The following DPP10 variants were observed in gnomAD, a reference collection of about 807,000 sequenced individuals.
The protein encoded by DPP10 is inactive dipeptidyl peptidase 10.
A neutral mutation model predicts 120.9 loss-of-function variants in DPP10; 33 were observed. That is an observed-to-expected ratio of 0.27 (90% CI 0.21 to 0.37). The LOEUF (loss-of-function observed/expected upper bound fraction) is 0.37, where lower values mean the gene tolerates loss of function less well. Among genes scored for constraint, DPP10 ranks in the 10% least tolerant of loss-of-function variants. DPP10 has a pLI of 1.00. For synonymous variants in DPP10, 337 were observed against 326.1 expected (o/e 1.03, Z -0.36); for missense variants, 816 against 942.8 (o/e 0.87, Z 1.76).
At chr2:114,556,459 G>A (rs961759408) in intron 1 of DPP10, among the ~76,000 whole-genome samples, 3 of 151,872 alleles carry the variant, frequency 2.0e-5, no homozygotes, top group African/African-American at 7.2e-5. Context: ...TAGAGAGAAG[G>A]AAGACTTTGT....
At chr2:115,092,471 C>T (rs1341651801) in intron 1 of DPP10, among the ~76,000 whole-genome samples, 2 of 152,102 alleles carry the variant, frequency 1.3e-5, no homozygotes, top group Non-Finnish European at 2.9e-5. Context: ...TTTAATATAT[C>T]AGTTAATGTT....
chr2:114,673,656 A>G (rs1698489428), intron 1 of DPP10, among the ~76,000 whole-genome samples: 2 of 152,018 alleles, frequency 1.3e-5, no homozygotes, highest in Non-Finnish European at 2.9e-5. Flanking sequence ...GGGTTTCACC[A>G]TGTTGGCCAG....
Position 115,709,376 on chromosome 2 carries a change from T to G in DPP10, c.577-18440T>G, listed in dbSNP as rs987396292. On this transcript the variant is annotated intron_variant, in intron 7 of 25. Transcript: ENST00000410059. ...ACTCAGGCAAGTGTTTGACTGAACT[T>G]CAACTATAAATGACAGAATTTTCCG... Among the ~76,000 whole-genome samples the G allele has an allele frequency of 8.5e-5, 13 of 152,082 alleles. No individual in the cohort carries two copies. The South Asian group carries it at 1.2e-3, about 15-fold the overall frequency.
intron 1 of DPP10, among the ~76,000 whole-genome samples, chr2:114,718,539 A>G (rs1169540806): frequency 6.6e-6 from 1 of 151,940 alleles, no homozygotes; most frequent in Non-Finnish European, 1.5e-5. Flanking sequence ...AGTTAGTTCT[A>G]TGGTACTCTT....
chr2:115,104,743 C>T (rs891499421), intron 1 of DPP10, among the ~76,000 whole-genome samples: 2 of 152,184 alleles, frequency 1.3e-5, no homozygotes, highest in Non-Finnish European at 1.5e-5. Flanking sequence ...CGCGGTGGCT[C>T]ATGCCTATAA....
intron 1 of DPP10, among the ~76,000 whole-genome samples, chr2:114,891,944 T>C (rs540275954): frequency 6.6e-6 from 1 of 152,290 alleles, no homozygotes; most frequent in East Asian, 1.9e-4. Flanking sequence ...TGTCTGTCTG[T>C]CTGTCTGTCT....
intron 15 of DPP10, among the ~76,000 whole-genome samples, chr2:115,779,411 G>T (rs919954671): frequency 2.0e-5 from 3 of 152,066 alleles, no homozygotes; most frequent in Admixed American, 6.6e-5. Context: ...CTATAAAAAT[G>T]ATCACTGGTT....
intron 3 of DPP10, among the ~76,000 whole-genome samples, chr2:115,400,764 G>C (rs2068016107): frequency 6.6e-6 from 1 of 152,218 alleles, no homozygotes; most frequent in African/African-American, 2.4e-5. Flanking sequence ...AAATGCAAGA[G>C]TTGCAAGTTA....
chr2:115,204,271 G>T (rs1438597892), intron 1 of DPP10, among the ~76,000 whole-genome samples: 3 of 152,136 alleles, frequency 2.0e-5, no homozygotes, highest in African/African-American at 7.2e-5. Context: ...AGCAAAGAAA[G>T]TAATTTACCT....
intron 5 of DPP10, among the ~76,000 whole-genome samples, chr2:115,642,578 T>C (rs776892282): frequency 7.9e-5 from 12 of 152,016 alleles, no homozygotes; most frequent in Non-Finnish European, 1.2e-4. Context: ...CCAATCTTCC[T>C]CTCTCTCCTT....
In DPP10 at chr2:115,802,011, C is replaced by G. The variant is rs545257458; in HGVS notation, c.1700+10655C>G. 1.5e-3 allele frequency among the ~76,000 whole-genome samples: 223 copies of G among 152,190 alleles called. 1 individual carries two copies. The highest frequency in any genetic ancestry group is 3.4e-3 in the Middle Eastern group (1 of 294). On this transcript the variant is annotated intron_variant, in intron 19 of 25. Transcript: ENST00000410059. Reference sequence around the variant, plus strand: ...TGGAATAGTTTCAGAAGGAATGGTACCAGCTCCTCCTTGTACCTCTGGTAG... The same window carrying G: ...TGGAATAGTTTCAGAAGGAATGGTAGCAGCTCCTCCTTGTACCTCTGGTAG...
intron 1 of DPP10, among the ~76,000 whole-genome samples, chr2:115,199,180 TCA>T (rs2055508703): frequency 6.6e-6 from 1 of 152,154 alleles, no homozygotes; most frequent in African/African-American, 2.4e-5. Context: ...TTAACAAACT[TCA>T]AATTCTTGAT....
chr2:115,675,759 T>A (rs1366810158), intron 5 of DPP10, among the ~76,000 whole-genome samples: 1 of 151,938 alleles, frequency 6.6e-6, no homozygotes, highest in Non-Finnish European at 1.5e-5. Context: ...AGAAAAAAAA[T>A]TAATGCTAGA....
At chr2:114,767,716 A>C (rs576420242) in intron 1 of DPP10, among the ~76,000 whole-genome samples, 1 of 152,190 alleles carries the variant, frequency 6.6e-6, no homozygotes, top group African/African-American at 2.4e-5. Flanking sequence ...CCTAGACATA[A>C]GAACTTTTAA....
At chr2:115,108,133 C>T (rs2049039823) in intron 1 of DPP10, among the ~76,000 whole-genome samples, 2 of 151,956 alleles carry the variant, frequency 1.3e-5, no homozygotes, top group Admixed American at 1.3e-4. Flanking sequence ...AGATATTTAC[C>T]CCTAGAAAAG....
chr2:115,198,134 A>C (rs756629487), intron 1 of DPP10, among the ~76,000 whole-genome samples: 1 of 152,194 alleles, frequency 6.6e-6, no homozygotes, highest in African/African-American at 2.4e-5. Context: ...AATGATTCAT[A>C]TATTTGCATG....
chr2:114,670,639 C>A (rs1224070905), intron 1 of DPP10, among the ~76,000 whole-genome samples: 2 of 152,024 alleles, frequency 1.3e-5, no homozygotes, highest in African/African-American at 2.4e-5. Flanking sequence ...ATGTAACTAA[C>A]CTGCACATTG....
rs1050952295 is a variant in DPP10, at chr2:115,535,772, A to G, written c.441+9800A>G. On this transcript the variant is annotated intron_variant, in intron 5 of 25. Coordinates refer to ENST00000410059, the MANE Select transcript of DPP10 (RefSeq NM_020868.6). ...ATGGAATGTTCTTCCATTTGTTTGTATCCTCTTTTATTTCCTTGAGCAGCG... is the reference window on the plus strand; with the variant it reads ...ATGGAATGTTCTTCCATTTGTTTGTGTCCTCTTTTATTTCCTTGAGCAGCG... Among the ~76,000 whole-genome samples, 11 of 151,786 alleles carry G rather than the reference A, an allele frequency of 7.2e-5. No individual in the cohort carries two copies. The East Asian group carries it at 1.8e-3, about 24-fold the overall frequency.
chr2:115,487,060 G>A (rs2075820515), intron 3 of DPP10, among the ~76,000 whole-genome samples: 1 of 151,928 alleles, frequency 6.6e-6, no homozygotes, highest in Admixed American at 6.6e-5. Flanking sequence ...TATTTACCAG[G>A]GATTTGATTC....
Sources: gnomAD v4.1 joint callset for allele counts (sites outside exome capture counted in the v4.1 genomes callset) on GRCh38, gnomAD v4.1.1 for gene constraint, MANE v1.5 for transcripts, NCBI Gene and HGNC (gene_info 2026-07-23, HGNC 2026-07-21) for gene names.